The following LUC7L3 variants were observed in gnomAD, a reference collection of about 807,000 sequenced individuals.
LUC7L3 encodes luc7-like protein 3.
Under a neutral mutation model 66.8 loss-of-function variants are expected in LUC7L3, and 6 were observed. The ratio of observed to expected loss-of-function variants is 0.09; its 90% CI spans 0.05 to 0.18. The LOEUF (loss-of-function observed/expected upper bound fraction) is 0.18. LUC7L3 is among the 10% of genes least tolerant of loss of function. The pLI, the probability that LUC7L3 is intolerant of heterozygous loss-of-function variation, is 1.00. For synonymous variants in LUC7L3, 160 were observed against 174.7 expected, an observed-to-expected ratio of 0.92 and a Z score of 0.66; for missense variants, 341 against 531.1, an observed-to-expected ratio of 0.64 and a Z score of 3.52.
At chr17:50,731,271 C>T (rs527992126) in intron 1 of LUC7L3, among the ~76,000 whole-genome samples, 1 of 152,144 alleles carries the variant, frequency 6.6e-6, no homozygotes, top group Admixed American at 6.5e-5. Flanking sequence ...CGGGTTCAAG[C>T]GATTCTCCCA....
chr17:50,728,742 C>T (rs780292777), intron 1 of LUC7L3, among the ~76,000 whole-genome samples: 23 of 152,092 alleles, frequency 1.5e-4, no homozygotes, highest in South Asian at 2.1e-4. Flanking sequence ...TTAGTAGAGA[C>T]GGCGTTTCGC....
chr17:50,739,504 A>G (rs570261351), intron 2 of LUC7L3, among the ~76,000 whole-genome samples: 3 of 152,152 alleles, frequency 2.0e-5, no homozygotes, highest in Non-Finnish European at 4.4e-5. Flanking sequence ...ATACAAAAAA[A>G]TTACGCAGGC....
chr17:50,719,644 A>G lies in LUC7L3; in HGVS notation c.-89A>G. 9.0e-7 allele frequency: 1 copy of G among 1,116,872 alleles called. No homozygotes were observed. The highest frequency in any genetic ancestry group is 1.3e-6 in the Non-Finnish European group (1 of 757,840). 69.2% of individuals were successfully genotyped at this position (1,116,872 alleles called of 1,614,324 possible). On this transcript the variant is annotated 5_prime_UTR_variant, in exon 1 of 10. Coordinates refer to ENST00000505658, the MANE Select transcript of LUC7L3 (RefSeq NM_016424.5). ...TGTGTAGGAGGGATTTCGGCCTGAG[A>G]GCGGGCCGAGGAGATTGGCGACGGT...
chr17:50,731,802 T>G (rs760428196), intron 1 of LUC7L3, among the ~76,000 whole-genome samples: 1 of 152,202 alleles, frequency 6.6e-6, no homozygotes, highest in Non-Finnish European at 1.5e-5. Flanking sequence ...ATTAGGTAGC[T>G]TCTGGTTAGC....
At chr17:50,725,796 A>G (rs914503380) in intron 1 of LUC7L3, among the ~76,000 whole-genome samples, 3 of 152,248 alleles carry the variant, frequency 2.0e-5, no homozygotes, top group Non-Finnish European at 4.4e-5. Flanking sequence ...AAATAGATGT[A>G]TATACTAGTT....
chr17:50,736,617 A>G (rs571531625), intron 1 of LUC7L3: 5 of 215,526 alleles, frequency 2.3e-5, no homozygotes, highest in African/African-American at 1.2e-4. Flanking sequence ...TATGAAAGAG[A>G]TGAAATGATA....
chr17:50,730,273 A>G (rs1041714456), intron 1 of LUC7L3, among the ~76,000 whole-genome samples: 3 of 151,980 alleles, frequency 2.0e-5, no homozygotes, highest in African/African-American at 4.8e-5. Context: ...CTTCCAGTCT[A>G]TTATCTTTAT....
chr17:50,743,522 T>TA (rs1414536345), intron 5 of LUC7L3, 184 bp from the exon 6 acceptor site: 3 of 509,372 alleles, frequency 5.9e-6, no homozygotes, highest in Non-Finnish European at 1.1e-5. Flanking sequence ...GCATTTTTCT[T>TA]AACACATCAG....
chr17:50,728,404 T>C (rs1324113127), intron 1 of LUC7L3, among the ~76,000 whole-genome samples: 3 of 152,234 alleles, frequency 2.0e-5, no homozygotes. Context: ...TAAATTCTTT[T>C]ATTAAAAATT....
At chr17:50,721,375 T>G (rs1276048002) in intron 1 of LUC7L3, among the ~76,000 whole-genome samples, 2 of 152,306 alleles carry the variant, frequency 1.3e-5, no homozygotes, top group East Asian at 3.9e-4. Context: ...CACATTGCAT[T>G]GTATGTGATG....
At chr17:50,742,565 G>A (rs1016972392) in intron 5 of LUC7L3, among the ~76,000 whole-genome samples, 3 of 152,120 alleles carry the variant, frequency 2.0e-5, no homozygotes, top group African/African-American at 4.8e-5. Flanking sequence ...CACCGTGCTG[G>A]CCAAGCTGGT....
At chr17:50,745,021 G>A (rs995991881) in intron 7 of LUC7L3, among the ~76,000 whole-genome samples, 3 of 151,742 alleles carry the variant, frequency 2.0e-5, no homozygotes, top group African/African-American at 4.8e-5. Context: ...AGACAGTCTC[G>A]CTTTGTTACC....
At chr17:50,721,300 C>T (rs972105481) in intron 1 of LUC7L3, among the ~76,000 whole-genome samples, 6 of 152,160 alleles carry the variant, frequency 3.9e-5, no homozygotes, top group Non-Finnish European at 7.3e-5. Flanking sequence ...AGCCTTGTAT[C>T]TCTGCACCCT....
chr17:50,737,164 G>C (rs1016770640), intron 2 of LUC7L3, 138 bp downstream of exon 2: 1 of 654,682 alleles, frequency 1.5e-6, no homozygotes, highest in Non-Finnish European at 2.6e-6. Context: ...TTTCTTACTT[G>C]GTTTAGATAT....
chr17:50,725,105 T>G (rs1462433668), intron 1 of LUC7L3, among the ~76,000 whole-genome samples: 1 of 152,180 alleles, frequency 6.6e-6, no homozygotes, highest in Admixed American at 6.5e-5. Context: ...TGTATTCATT[T>G]ATCCAACAAA....
chr17:50,730,801 A>G (rs929613181), intron 1 of LUC7L3, among the ~76,000 whole-genome samples: 4 of 151,816 alleles, frequency 2.6e-5, no homozygotes, highest in Admixed American at 6.6e-5. Flanking sequence ...TTAGCCAGGC[A>G]TTGTGGTATG....
At chr17:50,744,557 A>G (rs548037944) in intron 6 of LUC7L3, 95 bp from the exon 7 acceptor site, 1 of 1,154,600 alleles carries the variant, frequency 8.7e-7, no homozygotes, top group East Asian at 2.5e-5. Flanking sequence ...AGAGCAATTC[A>G]CACACATTAG....
In LUC7L3 at chr17:50,753,553, G is replaced by A. The variant is rs1317791786; in HGVS notation, c.*2892G>A. ...CCTCCTGGCTCCCTAGCTGATCCTG[G>A]AGATGCAGCAATAGATGAATGGGTT... On this transcript the variant is annotated 3_prime_UTR_variant, in exon 10 of 10. Coordinates refer to ENST00000505658, the MANE Select transcript of LUC7L3 (RefSeq NM_016424.5). The A allele has an allele frequency of 6.6e-6, 1 of 152,166 alleles. No individual in the cohort carries two copies. Among genetic ancestry groups the A allele is most frequent in the African/African-American group, 2.4e-5 (1 of 41,440 alleles). The allele number at this position is 152,166 out of a possible 1,614,324, so 9.4% of individuals were successfully genotyped here. A position where few individuals can be genotyped will look rare whatever the true frequency, so the allele number is the denominator to read the frequency against.
At chr17:50,734,403 G>A (rs551157503) in intron 1 of LUC7L3, among the ~76,000 whole-genome samples, 18 of 152,168 alleles carry the variant, frequency 1.2e-4, no homozygotes, top group Non-Finnish European at 2.5e-4. Context: ...CCGACCTCAG[G>A]TGATCCTCCC....
Sources: gnomAD v4.1 joint callset for allele counts (sites outside exome capture counted in the v4.1 genomes callset) on GRCh38, gnomAD v4.1.1 for gene constraint, MANE v1.5 for transcripts, NCBI Gene and HGNC (gene_info 2026-07-23, HGNC 2026-07-21) for gene names.